Variants in LMX1B observed in about 807,000 individuals in gnomAD.
LMX1B encodes LIM homeobox transcription factor 1 beta, also known as LIM homeobox transcription factor 1-beta.
In LMX1B, 12 loss-of-function variants were observed where a neutral mutation model predicts 51.4. That is an observed-to-expected ratio of 0.23 (90% CI 0.15 to 0.38). LMX1B has a LOEUF of 0.38. Ranked by LOEUF, LMX1B falls within the 10% of genes least tolerant of loss-of-function variation. LMX1B has a pLI of 1.00. For missense variants in LMX1B, 445 were observed against 571.1 expected (o/e 0.78, Z 2.25); for synonymous variants, 237 against 235.4 (o/e 1.01, Z -0.06).
At chr9:126,666,643 C>T (rs1276368618) in intron 2 of LMX1B, among the ~76,000 whole-genome samples, 2 of 152,220 alleles carry the variant, frequency 1.3e-5, no homozygotes, top group African/African-American at 2.4e-5. Flanking sequence ...TACGCATGTT[C>T]TATGTGCTGT....
intron 2 of LMX1B, among the ~76,000 whole-genome samples, chr9:126,669,040 G>A (rs1836398018): frequency 1.3e-5 from 2 of 152,260 alleles, no homozygotes; most frequent in Admixed American, 6.5e-5. Flanking sequence ...GCAGCAGCAG[G>A]CCTGGGGTCC....
In LMX1B at chr9:126,665,326, G is replaced by A. The variant is rs567239007; in HGVS notation, c.327-25510G>A. Reference sequence around the variant, plus strand: ...GAGCCAGGGCTGGGGCGGCGGGGGCGGGGCTGCCAGCTGTGCAGTGACATT... The same window carrying A: ...GAGCCAGGGCTGGGGCGGCGGGGGCAGGGCTGCCAGCTGTGCAGTGACATT... On this transcript the variant is annotated intron_variant, in intron 2 of 7. Coordinates refer to ENST00000373474, the MANE Select transcript of LMX1B (RefSeq NM_001174147.2). Among the ~76,000 whole-genome samples, 21 of 152,352 alleles carry A rather than the reference G, an allele frequency of 1.4e-4. No homozygotes were observed. In the South Asian group the frequency reaches 2.9e-3, roughly 21 times the overall value.
At chr9:126,633,758 A>G (rs10732392) in intron 2 of LMX1B, among the ~76,000 whole-genome samples, 127,108 of 152,138 alleles carry the variant, frequency 0.84, 53,795 homozygotes, top group Non-Finnish European at 0.92. Context: ...GAAGAAGAGA[A>G]TTTGATTGTT....
rs776033011 is a variant in LMX1B, at chr9:126,618,862, C to G, written c.326+3293C>G. Among the ~76,000 whole-genome samples, 6 of 152,082 alleles carry G rather than the reference C, an allele frequency of 3.9e-5. No individual in the cohort carries two copies. The highest frequency in any genetic ancestry group is 1.4e-4 in the African/African-American group (6 of 41,404). On this transcript the variant is annotated intron_variant, in intron 2 of 7. Transcript: ENST00000373474. This position sits in a 1 kb window ranked among gnomAD's most constrained non-coding sequence, Gnocchi z 4.5. ...TGGAGTCTAATCGCTTGTAAGACAG[C>G]TCCCAGGTTTGGCGACCCGAGACCC...
intron 2 of LMX1B, among the ~76,000 whole-genome samples, chr9:126,662,339 A>C (rs1193106778): frequency 6.6e-6 from 1 of 152,172 alleles, no homozygotes; most frequent in Non-Finnish European, 1.5e-5. Context: ...AATGATTATC[A>C]TTACTATACC....
intron 2 of LMX1B, among the ~76,000 whole-genome samples, chr9:126,690,095 G>A (rs1017533382): frequency 1.7e-4 from 25 of 150,330 alleles, no homozygotes; most frequent in Non-Finnish European, 3.3e-4. Flanking sequence ...AGAAACTGCA[G>A]GCTGTTCTTT....
chr9:126,647,595 T>C (rs1447834190), intron 2 of LMX1B, among the ~76,000 whole-genome samples: 1 of 152,194 alleles, frequency 6.6e-6, no homozygotes, highest in Admixed American at 6.5e-5. Flanking sequence ...GGTTTAAGAA[T>C]GGTCAGTGGC....
chr9:126,676,928 T>A (rs1412081015), intron 2 of LMX1B, among the ~76,000 whole-genome samples: 5 of 152,202 alleles, frequency 3.3e-5, no homozygotes, highest in Non-Finnish European at 7.3e-5. Flanking sequence ...ATCGCTCTTC[T>A]CTGTACCTGC....
At chr9:126,680,601 A>G (rs1836653859) in intron 2 of LMX1B, among the ~76,000 whole-genome samples, 1 of 152,126 alleles carries the variant, frequency 6.6e-6, no homozygotes, top group South Asian at 2.1e-4. Flanking sequence ...ACTAGCTCAA[A>G]AAGGTACCTG....
chr9:126,638,536 G>A (rs1835755305), intron 2 of LMX1B, among the ~76,000 whole-genome samples: 1 of 152,212 alleles, frequency 6.6e-6, no homozygotes, highest in Admixed American at 6.5e-5. Flanking sequence ...CAAAATCGCA[G>A]AGATTTGTCT....
intron 2 of LMX1B, among the ~76,000 whole-genome samples, chr9:126,643,881 T>G (rs1167309985): frequency 6.6e-6 from 1 of 152,234 alleles, no homozygotes; most frequent in East Asian, 1.9e-4. Flanking sequence ...ATTGTCACAG[T>G]AGCCCTACCA....
intron 2 of LMX1B, among the ~76,000 whole-genome samples, chr9:126,627,944 C>G (rs565118070): frequency 6.6e-6 from 1 of 152,282 alleles, no homozygotes; most frequent in African/African-American, 2.4e-5. Flanking sequence ...CTTCCCTGGG[C>G]CCAGGTCTCA....
intron 2 of LMX1B, among the ~76,000 whole-genome samples, chr9:126,638,972 C>G (rs1588273423): frequency 6.7e-6 from 1 of 150,256 alleles, no homozygotes; most frequent in Admixed American, 6.6e-5. Context: ...TAGCCGGGCT[C>G]TAGGTGAGGA....
intron 2 of LMX1B, among the ~76,000 whole-genome samples, chr9:126,636,793 A>G (rs570208821): frequency 6.6e-6 from 1 of 152,278 alleles, no homozygotes; most frequent in African/African-American, 2.4e-5. Context: ...GGAATGGCCC[A>G]TGGTAGAGAC....
At chr9:126,665,437 C>A (rs1836324014) in intron 2 of LMX1B, among the ~76,000 whole-genome samples, 1 of 152,244 alleles carries the variant, frequency 6.6e-6, no homozygotes, top group Non-Finnish European at 1.5e-5. Flanking sequence ...TGCTTTAATG[C>A]AGTATTGAGT....
At chr9:126,622,674 G>A (rs1314823540) in intron 2 of LMX1B, among the ~76,000 whole-genome samples, 1 of 152,228 alleles carries the variant, frequency 6.6e-6, no homozygotes, top group Non-Finnish European at 1.5e-5. Flanking sequence ...ATAGTTACTG[G>A]GCTGTTGGGT....
At position 126,700,079 on chromosome 9, in the gene LMX1B, G is replaced by A. The variant is rs1012996325; in HGVS notation, c.*3628G>A. 1 of 152,124 alleles carries A rather than the reference G, an allele frequency of 6.6e-6. No individual in the cohort carries two copies. The highest frequency in any genetic ancestry group is 1.5e-5 in the Non-Finnish European group (1 of 68,014). 9.4% of individuals were successfully genotyped at this position (152,124 alleles called of 1,614,324 possible). On this transcript the variant is annotated 3_prime_UTR_variant, in exon 8 of 8. Coordinates refer to ENST00000373474, the MANE Select transcript of LMX1B (RefSeq NM_001174147.2). ...CCCCAGGTAACACAGGGCAGAGGAG[G>A]GACAAAAAGCTGGGCATGGCCCCAG... is the stretch of plus-strand genomic sequence containing the variant.
chr9:126,614,435 C>T lies in LMX1B; in HGVS notation c.-15C>T. ...GCAGCCCGGCCGGCGGGGTCCGCAG[C>T]GCGCCCCGCGTCCCATGGATATAGC... On this transcript the variant is annotated 5_prime_UTR_variant, in exon 1 of 8. Transcript: ENST00000373474. 3.4e-6 allele frequency: 5 copies of T among 1,478,744 alleles called. No individual in the cohort carries two copies. Among genetic ancestry groups the T allele is most frequent in the Non-Finnish European group, 9.0e-7 (1 of 1,112,322 alleles). 91.6% of individuals were successfully genotyped at this position (1,478,744 alleles called of 1,614,324 possible).
At chr9:126,614,610 C>A in intron 1 of LMX1B, 22 bp downstream of exon 1, 1 of 1,544,804 alleles carries the variant, frequency 6.5e-7, no homozygotes, top group Admixed American at 1.9e-5. Flanking sequence ...GTCGGAACGC[C>A]CGAGTGGTCT....
Sources: allele counts gnomAD v4.1 joint callset (sites outside exome capture counted in the v4.1 genomes callset), GRCh38; gene constraint gnomAD v4.1.1; non-coding constraint Gnocchi (gnomAD v3.1); transcripts MANE v1.5; gene names NCBI Gene and HGNC (gene_info 2026-07-23, HGNC 2026-07-21).